ZBTB16: variants seen among roughly 807,000 people sequenced by gnomAD.
The protein encoded by ZBTB16 is zinc finger and BTB domain containing 16.
Under a neutral mutation model 56.8 loss-of-function variants are expected in ZBTB16, and 8 were observed. That is an observed-to-expected ratio of 0.14 (90% confidence interval 0.08 to 0.25). The LOEUF (loss-of-function observed/expected upper bound fraction) is 0.25, where lower values mean the gene tolerates loss of function less well. ZBTB16 is among the 10% of genes least tolerant of loss of function. ZBTB16 has a pLI of 1.00. For missense variants in ZBTB16, 625 were observed against 903.0 expected, an observed-to-expected ratio of 0.69 and a Z score of 3.95; for synonymous variants, 363 against 368.5, an observed-to-expected ratio of 0.98 and a Z score of 0.17.
At position 114,252,587 on chromosome 11, in the gene ZBTB16, G is replaced by A. The variant is rs917767445; in HGVS notation, c.*2032G>A. The stretch of plus-strand genomic sequence containing the variant: ...GCAATATTCGTGTTTGCTTTGGGAC[G>A]GACCCTCCGTTTCATCTCATGCTTT... On this transcript the variant is annotated 3_prime_UTR_variant, in exon 7 of 7. Coordinates refer to ENST00000335953, the MANE Select transcript of ZBTB16 (RefSeq NM_006006.6). Among the ~76,000 whole-genome samples, 3 of 152,028 alleles carry A rather than the reference G, an allele frequency of 2.0e-5. No homozygotes were observed. Among genetic ancestry groups the A allele is most frequent in the African/African-American group, 4.8e-5 (2 of 41,384 alleles).
At chr11:114,201,323 C>T (rs764217159) in intron 4 of ZBTB16, among the ~76,000 whole-genome samples, 1 of 152,090 alleles carries the variant, frequency 6.6e-6, no homozygotes, top group Non-Finnish European at 1.5e-5. Context: ...TCATTGCACA[C>T]CTTGGCATCT....
intron 3 of ZBTB16, among the ~76,000 whole-genome samples, chr11:114,171,057 C>T (rs544736739): frequency 6.6e-6 from 1 of 152,130 alleles, no homozygotes; most frequent in Non-Finnish European, 1.5e-5. Flanking sequence ...GATTTGGGGT[C>T]TGGAGTCAGA....
At chr11:114,138,144 C>A (rs1941845890) in intron 2 of ZBTB16, among the ~76,000 whole-genome samples, 2 of 152,118 alleles carry the variant, frequency 1.3e-5, no homozygotes, top group Admixed American at 6.5e-5. Flanking sequence ...GAGGACCAGT[C>A]ATGGGTTTAA....
intron 4 of ZBTB16, among the ~76,000 whole-genome samples, chr11:114,236,722 C>T (rs445785): frequency 0.095 from 14,467 of 152,242 alleles, 837 homozygotes; most frequent in African/African-American, 0.16. Flanking sequence ...CTTACAACCC[C>T]TTATTTATTT....
At chr11:114,097,941 A>G (rs1384399894) in intron 2 of ZBTB16, among the ~76,000 whole-genome samples, 1 of 152,202 alleles carries the variant, frequency 6.6e-6, no homozygotes, top group African/African-American at 2.4e-5. Flanking sequence ...AAAATGTCTG[A>G]AAATTATGGG....
rs1555145926 is a variant in ZBTB16 at position 114,159,939 on chromosome 11, G to GGGA, written c.1366+3507_1366+3508insAGG. On this transcript the variant is annotated intron_variant, in intron 3 of 6. Coordinates refer to ENST00000335953, the MANE Select transcript of ZBTB16 (RefSeq NM_006006.6). ...TCCAGAACCCTGGGCGGGGGAGGCG[G>GGGA]GGGGGAGGCGAGCATTTTTTTTCAA... 2.0e-5 allele frequency among the ~76,000 whole-genome samples: 3 copies of GGGA among 149,324 alleles called. 1 individual carries two copies. Among genetic ancestry groups the GGGA allele is most frequent in the African/African-American group, 7.5e-5 (3 of 39,974 alleles).
At chr11:114,127,431 A>G (rs1323001228) in intron 2 of ZBTB16, among the ~76,000 whole-genome samples, 2 of 152,166 alleles carry the variant, frequency 1.3e-5, no homozygotes, top group African/African-American at 4.8e-5. Context: ...AGATAATTCC[A>G]ATGTACACTA....
intron 2 of ZBTB16, among the ~76,000 whole-genome samples, chr11:114,066,339 C>T (rs1033623790): frequency 6.6e-6 from 1 of 152,196 alleles, no homozygotes; most frequent in Non-Finnish European, 1.5e-5. Context: ...AAAATAACCG[C>T]CACTAAGGTG....
chr11:114,169,144 G>T (rs1208358258), intron 3 of ZBTB16, among the ~76,000 whole-genome samples: 1 of 152,128 alleles, frequency 6.6e-6, no homozygotes, highest in Non-Finnish European at 1.5e-5. Context: ...GACGCAACTG[G>T]GTGCTCTGCT....
rs1944447011 is a variant in ZBTB16, at chr11:114,231,882, G to C, written c.1454-10285G>C. On this transcript the variant is annotated intron_variant, in intron 4 of 6. Coordinates refer to ENST00000335953, the MANE Select transcript of ZBTB16 (RefSeq NM_006006.6). ...TTAGAGTGGAGAAAAACCCTTTAAGGATCACTTATATCCCTCTTCATTTTA... is the reference window on the plus strand; with the variant it reads ...TTAGAGTGGAGAAAAACCCTTTAAGCATCACTTATATCCCTCTTCATTTTA... Among the ~76,000 whole-genome samples the C allele has an allele frequency of 2.6e-5, 4 of 152,098 alleles. No individual in the cohort carries two copies. The South Asian group carries it at 8.3e-4, about 32-fold the overall frequency.
intron 2 of ZBTB16, among the ~76,000 whole-genome samples, chr11:114,065,328 C>A (rs943963230): frequency 6.6e-6 from 1 of 152,236 alleles, no homozygotes; most frequent in Non-Finnish European, 1.5e-5. Context: ...AATAACCATT[C>A]ATTGAGCTCT....
intron 2 of ZBTB16, among the ~76,000 whole-genome samples, chr11:114,102,780 A>G (rs1349887251): frequency 1.3e-5 from 2 of 152,262 alleles, no homozygotes; most frequent in East Asian, 3.9e-4. Flanking sequence ...GCCTAGAGCT[A>G]TTCCAGAAAA....
intron 4 of ZBTB16, among the ~76,000 whole-genome samples, chr11:114,190,943 G>A (rs571952999): frequency 4.6e-5 from 7 of 152,294 alleles, no homozygotes; most frequent in African/African-American, 1.7e-4. Context: ...GCTCTGGGGA[G>A]GCCTCAGGAA....
chr11:114,196,047 G>A (rs1471802758), intron 4 of ZBTB16, among the ~76,000 whole-genome samples: 1 of 152,224 alleles, frequency 6.6e-6, no homozygotes, highest in African/African-American at 2.4e-5. Context: ...ATCTCAGGGA[G>A]CAGATTTGGT....
At chr11:114,245,241 G>T (rs1037605122) in intron 5 of ZBTB16, among the ~76,000 whole-genome samples, 1 of 152,208 alleles carries the variant, frequency 6.6e-6, no homozygotes, top group Admixed American at 6.5e-5. Context: ...TTCCCCAACT[G>T]AGAACCCTGG....
Position 114,255,578 on chromosome 11 carries a change from T to A in ZBTB16, c.*5023T>A, listed in dbSNP as rs1036907154. Among the ~76,000 whole-genome samples, 4 of 151,948 alleles carry A rather than the reference T, an allele frequency of 2.6e-5. No individual in the cohort carries two copies. The highest frequency in any genetic ancestry group is 9.7e-5 in the African/African-American group (4 of 41,340). ...CTCCCCAGCCCACTTCCCCGAGTTG[T>A]GCTTGCCGCTCCTTATCTGTTCTAG... On this transcript the variant is annotated 3_prime_UTR_variant, in exon 7 of 7. Transcript: ENST00000335953.
At chr11:114,227,283 C>T (rs1287384825) in intron 4 of ZBTB16, among the ~76,000 whole-genome samples, 2 of 152,200 alleles carry the variant, frequency 1.3e-5, no homozygotes, top group Non-Finnish European at 2.9e-5. Context: ...ATGCACACCC[C>T]CACCATCCAC....
chr11:114,114,837 T>C (rs1941122872), intron 2 of ZBTB16, among the ~76,000 whole-genome samples: 1 of 151,940 alleles, frequency 6.6e-6, no homozygotes, highest in Admixed American at 6.6e-5. Context: ...TGCACTACCA[T>C]GCCCAGCTAA....
At chr11:114,140,561 G>A (rs1330410978) in intron 2 of ZBTB16, among the ~76,000 whole-genome samples, 2 of 152,222 alleles carry the variant, frequency 1.3e-5, no homozygotes, top group Non-Finnish European at 2.9e-5. Flanking sequence ...GGAAAGAAGT[G>A]TAGCTCCTCG....
Sources: allele counts gnomAD v4.1 joint callset (sites outside exome capture counted in the v4.1 genomes callset), GRCh38; gene constraint gnomAD v4.1.1; transcripts MANE v1.5; gene names NCBI Gene and HGNC (gene_info 2026-07-23, HGNC 2026-07-21).